PADI4: variants seen among roughly 807,000 people sequenced by gnomAD.
PADI4 encodes protein-arginine deiminase type-4.
Under a neutral mutation model 75.0 loss-of-function variants are expected in PADI4, and 62 were observed. The observed-to-expected ratio is 0.83, with a 90% CI of 0.67 to 1.02. The LOEUF (loss-of-function observed/expected upper bound fraction) is 1.02. Among genes scored for constraint, PADI4 ranks in the 50% least tolerant of loss-of-function variants. The pLI is 0.00. For missense variants in PADI4, 845 were observed against 850.5 expected (o/e 0.99, Z 0.08); for synonymous variants, 361 against 348.1 (o/e 1.04, Z -0.41).
At chr1:17,357,401 T>C (rs1444058231) in intron 13 of PADI4, among the ~76,000 whole-genome samples, 1 of 151,912 alleles carries the variant, frequency 6.6e-6, no homozygotes, top group Admixed American at 6.6e-5. Flanking sequence ...ACTCCTGACC[T>C]GGTGATCCAC....
At position 17,356,310 on chromosome 1, in the gene PADI4, G is replaced by A. The variant is rs1166470513; in HGVS notation, c.1456-47G>A. 8.5e-6 allele frequency: 12 copies of A among 1,417,004 alleles called. No individual in the cohort carries two copies. The highest frequency in any genetic ancestry group is 1.4e-5 in the African/African-American group (1 of 70,322). The allele number at this position is 1,417,004 out of a possible 1,614,324, so 87.8% of individuals were successfully genotyped here. On this transcript the variant is annotated intron_variant, in intron 12 of 15. Coordinates refer to ENST00000375448, the MANE Select transcript of PADI4 (RefSeq NM_012387.3). The surrounding 1 kb of genome is among the most constrained non-coding windows in gnomAD (Gnocchi z 4.1). ...CTCAGCAGATCCACCCTCGTTGGGA[G>A]CTCCAGGGGCAAAGCTGACTTCTAA...
Position 17,356,447 on chromosome 1 carries a change from G to A in PADI4, c.1546G>A (p.Glu516Lys), listed in dbSNP as rs2074762060. ...GGGCCACGGGGAGGCCCTGCTGTTC[G>A]AAGGGATCAAGAGTAAGTCGGCCCT... ...NEGHGEALLF[E>K]GIKKKKQQKI... The change falls in exon 13 of 16, where the codon GAA becomes AAA. Residue 516 changes from glutamate to lysine, a missense_variant. By Grantham distance (56) the Glu-to-Lys change is moderately conservative. Coordinates refer to ENST00000375448, the MANE Select transcript of PADI4 (RefSeq NM_012387.3). The surrounding 1 kb of genome is among the most constrained non-coding windows in gnomAD (Gnocchi z 4.1). 1 of 1,605,012 alleles carries A rather than the reference G, an allele frequency of 6.2e-7. No homozygotes were observed. The highest frequency in any genetic ancestry group is 8.5e-7 in the Non-Finnish European group (1 of 1,172,104).
At chr1:17,348,859 C>G (rs779515074) in intron 10 of PADI4, 1 of 152,222 alleles carries the variant, frequency 6.6e-6, no homozygotes, top group African/African-American at 2.4e-5. Flanking sequence ...CGCTCTGAGT[C>G]CTGGCAGCCC....
At chr1:17,351,901 A>G (rs951180944) in intron 10 of PADI4, among the ~76,000 whole-genome samples, 1 of 151,496 alleles carries the variant, frequency 6.6e-6, no homozygotes, top group Non-Finnish European at 1.5e-5. Flanking sequence ...AAAGGCAGTC[A>G]GGGAGCTGAT....
chr1:17,349,947 C>G (rs1330785896), intron 10 of PADI4, among the ~76,000 whole-genome samples: 1 of 122,578 alleles, frequency 8.2e-6, no homozygotes, highest in African/African-American at 2.6e-5. Flanking sequence ...GCCGTTCCCT[C>G]TGCTTGCAGT....
intron 1 of PADI4, among the ~76,000 whole-genome samples, chr1:17,316,796 C>T (rs1048010990): frequency 7.2e-5 from 11 of 152,008 alleles, no homozygotes; most frequent in Non-Finnish European, 1.3e-4. Flanking sequence ...GTCTCCCCTG[C>T]CCCGCGCCCA....
In PADI4 at chr1:17,363,944, G is replaced by A; in HGVS notation, c.*189G>A. The A allele has an allele frequency of 1.9e-6, 1 of 540,228 alleles. No individual in the cohort carries two copies. Among genetic ancestry groups the A allele is most frequent in the African/African-American group, 1.9e-5 (1 of 52,840 alleles). 33.5% of individuals were successfully genotyped at this position (540,228 alleles called of 1,614,324 possible). A position where few individuals can be genotyped will look rare whatever the true frequency, so the allele number is the denominator to read the frequency against. On this transcript the variant is annotated 3_prime_UTR_variant, in exon 16 of 16. Coordinates refer to ENST00000375448, the MANE Select transcript of PADI4 (RefSeq NM_012387.3). ...AAGATCCCAACATGGTCCTAGCACT[G>A]CACACTCAGTTCTGCTCTAAGAAGC...
chr1:17,363,318 T>A (rs1034221567), intron 15 of PADI4, among the ~76,000 whole-genome samples: 1 of 151,714 alleles, frequency 6.6e-6, no homozygotes, highest in African/African-American at 2.4e-5. Context: ...AGATGGGGTC[T>A]CACCATGTTG....
rs200090088 is a variant in PADI4, at chr1:17,363,712, G to A, written c.1949G>A (p.Arg650His). 5.1e-5 allele frequency: 82 copies of A among 1,614,028 alleles called. No individual in the cohort carries two copies. The highest frequency in any genetic ancestry group is 1.3e-4 in the Admixed American group (8 of 60,012). Residue 650 changes from arginine to histidine, a missense_variant, in exon 16 of 16, where the codon CGC (arginine) becomes CAC (histidine). By Grantham distance (29) the Arg-to-His change is conservative (BLOSUM62 0). Transcript: ENST00000375448. ...HGEVHCGTNV[R>H]RKPFSFKWWN... is the part of the protein sequence containing the mutation. The stretch of plus-strand genomic sequence containing the variant: ...GAGGTGCACTGCGGCACCAACGTGC[G>A]CAGAAAGCCCTTCTCCTTCAAGTGG...
intron 3 of PADI4, among the ~76,000 whole-genome samples, chr1:17,335,440 G>A (rs547367185): frequency 2.0e-5 from 3 of 152,290 alleles, no homozygotes; most frequent in Non-Finnish European, 2.9e-5. Flanking sequence ...TCCAGGCCAC[G>A]AAAGGACAAT....
chr1:17,362,056 T>C (rs1259505785), intron 15 of PADI4, among the ~76,000 whole-genome samples: 1 of 151,792 alleles, frequency 6.6e-6, no homozygotes, highest in Non-Finnish European at 1.5e-5. Flanking sequence ...GAGGAGAACG[T>C]AGTGTTAAGA....
chr1:17,348,279 G>A (rs2074555756), intron 10 of PADI4: 2 of 409,622 alleles, frequency 4.9e-6, no homozygotes, highest in South Asian at 8.1e-5. Context: ...AGCTCAGCTT[G>A]ATCTCCAGGT....
chr1:17,310,474 C>T (rs1415352189), intron 1 of PADI4, among the ~76,000 whole-genome samples: 1 of 152,206 alleles, frequency 6.6e-6, no homozygotes. Context: ...CCACTCCCTC[C>T]TCACCTCCGC....
intron 8 of PADI4, among the ~76,000 whole-genome samples, chr1:17,345,091 G>T (rs1329012481): frequency 6.6e-6 from 1 of 152,234 alleles, no homozygotes; most frequent in African/African-American, 2.4e-5. Context: ...AAGACCATGG[G>T]AACCCACCTC....
At chr1:17,328,499 T>G (rs2100695503) in intron 1 of PADI4, among the ~76,000 whole-genome samples, 1 of 152,112 alleles carries the variant, frequency 6.6e-6, no homozygotes, top group Middle Eastern at 3.4e-3. Flanking sequence ...TTTTAAAAAT[T>G]AGCTGGGTGT....
intron 1 of PADI4, among the ~76,000 whole-genome samples, chr1:17,308,834 C>T (rs114481814): frequency 0.012 from 1,769 of 152,162 alleles, 38 homozygotes; most frequent in African/African-American, 0.04. Flanking sequence ...GCAAGGAGGC[C>T]TTGGGCAACT....
intron 1 of PADI4, among the ~76,000 whole-genome samples, chr1:17,311,231 C>G (rs2073821364): frequency 6.6e-6 from 1 of 152,030 alleles, no homozygotes; most frequent in East Asian, 1.9e-4. Flanking sequence ...CCACTGCACT[C>G]CAGCAAGGGC....
intron 10 of PADI4, 27 bp from the exon 11 acceptor site, chr1:17,354,506 T>C: frequency 6.2e-7 from 1 of 1,613,010 alleles, no homozygotes; most frequent in South Asian, 1.1e-5. Flanking sequence ...TTCCTCTAAC[T>C]CTTGGCACTC....
At chr1:17,345,185 G>C (rs574221700) in intron 8 of PADI4, among the ~76,000 whole-genome samples, 108 of 152,314 alleles carry the variant, frequency 7.1e-4, no homozygotes, top group African/African-American at 2.5e-3. Flanking sequence ...CTGGATTTTG[G>C]ACTTGCATGG....
Sources: allele counts gnomAD v4.1 joint callset (sites outside exome capture counted in the v4.1 genomes callset), GRCh38; gene constraint gnomAD v4.1.1; non-coding constraint Gnocchi (gnomAD v3.1); transcripts MANE v1.5; gene names NCBI Gene and HGNC (gene_info 2026-07-23, HGNC 2026-07-21).